Variants in STK39 observed in about 807,000 individuals in gnomAD.
STK39 encodes serine/threonine kinase 39.
In STK39, 20 loss-of-function variants were observed where a neutral mutation model predicts 77.8. The observed-to-expected ratio is 0.26, with a 90% CI of 0.18 to 0.37. STK39 has a LOEUF of 0.37. STK39 is among the 10% of genes least tolerant of loss of function. The pLI, the probability that STK39 is intolerant of heterozygous loss-of-function variation, is 1.00. For missense variants in STK39, 479 were observed against 656.5 expected, an observed-to-expected ratio of 0.73 and a Z score of 2.95; for synonymous variants, 246 against 234.1, an observed-to-expected ratio of 1.05 and a Z score of -0.47.
rs2105292460 is a variant in STK39 at position 168,247,487 on chromosome 2, CTTGAAACT to C, written c.-60_-53del. 7.9e-7 allele frequency: 1 copy of C among 1,265,998 alleles called. No homozygotes were observed. The highest frequency in any genetic ancestry group is 1.8e-5 in the South Asian group (1 of 57,034). 78.4% of individuals were successfully genotyped at this position (1,265,998 alleles called of 1,614,324 possible). A position where few individuals can be genotyped will look rare whatever the true frequency, so the allele number is the denominator to read the frequency against. On this transcript the variant is annotated 5_prime_UTR_variant, in exon 1 of 18. Coordinates refer to ENST00000355999, the MANE Select transcript of STK39 (RefSeq NM_013233.3). The stretch of plus-strand genomic sequence containing the variant: ...GCGCCGGCCGACGGACGACCTTCCA[CTTGAAACT>C]TCCTTTGCCTCGCCGCCGACACCTC...
chr2:168,075,367 G>T, intron 10 of STK39, 136 bp from the exon 11 acceptor site: 1 of 1,220,154 alleles, frequency 8.2e-7, no homozygotes, highest in Non-Finnish European at 1.1e-6. Context: ...GATAGCTAGC[G>T]GTTAAGATCC....
chr2:168,037,148 C>T (rs1439047059), intron 14 of STK39, among the ~76,000 whole-genome samples: 2 of 152,204 alleles, frequency 1.3e-5, no homozygotes, highest in African/African-American at 4.8e-5. Flanking sequence ...AACCCTGTAA[C>T]TACCAAAAGG....
intron 1 of STK39, among the ~76,000 whole-genome samples, chr2:168,189,456 A>G (rs552530073): frequency 5.8e-4 from 89 of 152,230 alleles, no homozygotes; most frequent in African/African-American, 1.8e-3. Context: ...CACTTACTGA[A>G]CATGCAGAAA....
intron 10 of STK39, among the ~76,000 whole-genome samples, chr2:168,098,215 A>G (rs1379242165): frequency 6.6e-6 from 1 of 152,238 alleles, no homozygotes; most frequent in Non-Finnish European, 1.5e-5. Context: ...GTGCACATGT[A>G]CTTTTAATAA....
chr2:168,239,066 TCCC>T (rs1690692187), intron 1 of STK39, among the ~76,000 whole-genome samples: 1 of 152,160 alleles, frequency 6.6e-6, no homozygotes, highest in Non-Finnish European at 1.5e-5. Flanking sequence ...ATCATGTCAG[TCCC>T]TTATAAGTTA....
At chr2:168,174,832 TAAA>T (rs397869438) in intron 2 of STK39, among the ~76,000 whole-genome samples, 8 of 112,640 alleles carry the variant, frequency 7.1e-5, no homozygotes, top group Non-Finnish European at 1.1e-4. Flanking sequence ...CTTCATCTCT[TAAA>T]AAAAAAAAAA....
intron 14 of STK39, among the ~76,000 whole-genome samples, chr2:168,030,115 C>G (rs1198430996): frequency 1.3e-5 from 2 of 152,106 alleles, no homozygotes; most frequent in Non-Finnish European, 2.9e-5. Flanking sequence ...GTGGCGGGCG[C>G]CGGTAGTCCA....
intron 14 of STK39, among the ~76,000 whole-genome samples, chr2:168,048,353 C>G (rs1685300766): frequency 6.6e-6 from 1 of 152,046 alleles, no homozygotes; most frequent in African/African-American, 2.4e-5. Context: ...GCTGGGACTA[C>G]AGGCAACCGC....
chr2:168,155,252 G>C (rs906564963), intron 5 of STK39, among the ~76,000 whole-genome samples: 1 of 152,198 alleles, frequency 6.6e-6, no homozygotes, highest in East Asian at 1.9e-4. Context: ...GCTAGCAGCT[G>C]TTAAAGCATG....
intron 8 of STK39, among the ~76,000 whole-genome samples, chr2:168,136,567 G>A (rs569418465): frequency 6.6e-6 from 1 of 152,050 alleles, no homozygotes; most frequent in Admixed American, 6.6e-5. Context: ...ACAACCACTA[G>A]GTGGAATCTC....
At chr2:168,146,268 A>G (rs1004486856) in intron 5 of STK39, among the ~76,000 whole-genome samples, 19 of 152,228 alleles carry the variant, frequency 1.2e-4, no homozygotes, top group African/African-American at 4.1e-4. Flanking sequence ...TTGGTCTGAA[A>G]GTTGATTTCT....
chr2:168,137,495 C>T (rs1687869817), intron 8 of STK39, among the ~76,000 whole-genome samples: 1 of 152,210 alleles, frequency 6.6e-6, no homozygotes, highest in Non-Finnish European at 1.5e-5. Flanking sequence ...AGACACACTA[C>T]AGTGCAGGGC....
chr2:168,069,121 T>C (rs944267192), intron 12 of STK39, among the ~76,000 whole-genome samples: 1 of 152,154 alleles, frequency 6.6e-6, no homozygotes, highest in South Asian at 2.1e-4. Context: ...TTTCACCATG[T>C]TGGCCAGGCT....
chr2:168,128,153 A>T (rs537261005), intron 10 of STK39, among the ~76,000 whole-genome samples: 1 of 152,330 alleles, frequency 6.6e-6, no homozygotes, highest in East Asian at 1.9e-4. Context: ...ATGGGATCAG[A>T]TGACACTTCC....
intron 1 of STK39, among the ~76,000 whole-genome samples, chr2:168,238,201 C>T (rs1690669208): frequency 6.6e-6 from 1 of 152,208 alleles, no homozygotes; most frequent in African/African-American, 2.4e-5. Context: ...AGAAGTCTCA[C>T]AACTGTCACA....
At chr2:168,244,721 A>G (rs1690855125) in intron 1 of STK39, among the ~76,000 whole-genome samples, 1 of 152,248 alleles carries the variant, frequency 6.6e-6, no homozygotes, top group Admixed American at 6.5e-5. Flanking sequence ...TGATTTTTCA[A>G]TAACAGGGCC....
At chr2:168,187,090 C>A (rs1488834946) in intron 1 of STK39, among the ~76,000 whole-genome samples, 1 of 152,168 alleles carries the variant, frequency 6.6e-6, no homozygotes, top group Non-Finnish European at 1.5e-5. Context: ...TGGTGGCTCA[C>A]GCCTGTAATC....
intron 14 of STK39, among the ~76,000 whole-genome samples, chr2:168,047,254 A>G (rs2105361041): frequency 6.6e-6 from 1 of 152,376 alleles, no homozygotes; most frequent in South Asian, 2.1e-4. Flanking sequence ...AATGTAGTCA[A>G]AAGGCCAATC....
intron 3 of STK39, among the ~76,000 whole-genome samples, chr2:168,164,554 G>A (rs547538300): frequency 8.5e-4 from 130 of 152,168 alleles, no homozygotes; most frequent in African/African-American, 2.9e-3. Flanking sequence ...CTACAAGTAC[G>A]TGCCACCACG....
Sources: gnomAD v4.1 joint callset for allele counts (sites outside exome capture counted in the v4.1 genomes callset) on GRCh38, gnomAD v4.1.1 for gene constraint, MANE v1.5 for transcripts, NCBI Gene and HGNC (gene_info 2026-07-23, HGNC 2026-07-21) for gene names.